Variants in TUSC3 observed in about 807,000 individuals in gnomAD.
TUSC3 encodes tumor suppressor candidate 3, also known as dolichyl-diphosphooligosaccharide--protein glycosyltransferase subunit TUSC3.
TUSC3 carries 45 observed loss-of-function variants against 44.8 expected under a neutral mutation model. The observed-to-expected ratio is 1.00, with a 90% CI of 0.79 to 1.29. The LOEUF is 1.29. TUSC3 is among the 50% of genes most tolerant of loss of function. The pLI is 0.00. For synonymous variants in TUSC3, 212 were observed against 152.9 expected (o/e 1.39, Z -2.85); for missense variants, 519 against 437.9 (o/e 1.19, Z -1.65).
chr8:15,761,077 A>T (rs981303825), intron 10 of TUSC3, among the ~76,000 whole-genome samples: 3 of 152,152 alleles, frequency 2.0e-5, no homozygotes, highest in Non-Finnish European at 4.4e-5. Flanking sequence ...CTAGTACACA[A>T]TGGTTGTTAA....
At chr8:15,563,685 C>CAAAAAAAAAAAAAAAAAAAAAAAAAA (rs150368776) in intron 1 of TUSC3, among the ~76,000 whole-genome samples, 5 of 79,964 alleles carry the variant, frequency 6.3e-5, no homozygotes, top group East Asian at 7.5e-4. Context: ...GCCTCCATCT[C>CAAAAAAAAAAAAAAAAAAAAAAAAAA]AAAAAAAAAA....
chr8:15,574,811 T>C (rs1448880666), intron 1 of TUSC3, among the ~76,000 whole-genome samples: 3 of 152,200 alleles, frequency 2.0e-5, no homozygotes, highest in African/African-American at 7.2e-5. Flanking sequence ...AAATGGGTTT[T>C]TATCCAGGTG....
chr8:15,508,947 A>G (rs142019088), intron 2 of TUSC3, among the ~76,000 whole-genome samples: 337 of 152,328 alleles, frequency 2.2e-3, no homozygotes, highest in African/African-American at 8.0e-3. Flanking sequence ...TTGAAAGTTT[A>G]GAAAGTTATA....
At chr8:15,518,321 C>G (rs905998037) in intron 2 of TUSC3, among the ~76,000 whole-genome samples, 2 of 151,930 alleles carry the variant, frequency 1.3e-5, no homozygotes, top group African/African-American at 4.8e-5. Context: ...GCTATAATCT[C>G]AAATTATACA....
chr8:15,570,156 G>C (rs1419734375), intron 1 of TUSC3, among the ~76,000 whole-genome samples: 1 of 151,810 alleles, frequency 6.6e-6, no homozygotes, highest in Non-Finnish European at 1.5e-5. Flanking sequence ...CTCATTGTAG[G>C]GAAGTTCTGA....
At chr8:15,834,239 A>ACTG in the TUSC3 span, among the ~76,000 whole-genome samples, 87,564 of 151,008 alleles carry the variant, frequency 0.58, 27,212 homozygotes, top group Non-Finnish European at 0.72. Flanking sequence ...TAATAAAATT[A>ACTG]CTTTCTTCAT....
the TUSC3 span, among the ~76,000 whole-genome samples, chr8:15,826,594 G>A: frequency 6.6e-6 from 1 of 152,068 alleles, no homozygotes; most frequent in Non-Finnish European, 1.5e-5. Context: ...CTGCTTTTAA[G>A]GTAAAGTGCT....
chr8:15,485,291 C>A (rs1427820301), intron 2 of TUSC3, among the ~76,000 whole-genome samples: 2 of 152,108 alleles, frequency 1.3e-5, no homozygotes, highest in Non-Finnish European at 2.9e-5. Flanking sequence ...CACCTGTGTT[C>A]TATTAGAATT....
chr8:15,837,179 T>C, the TUSC3 span, among the ~76,000 whole-genome samples: 2 of 151,558 alleles, frequency 1.3e-5, no homozygotes, highest in Admixed American at 6.6e-5. Context: ...AATCAAACGA[T>C]AATTTGATTT....
upstream of TUSC3, among the ~76,000 whole-genome samples, chr8:15,539,054 T>C (rs1417627885): frequency 6.6e-6 from 1 of 151,598 alleles, no homozygotes; most frequent in East Asian, 1.9e-4. Context: ...GGTCTCACTA[T>C]CTTGCCCAGG....
intron 5 of TUSC3, 121 bp from the exon 6 acceptor site, chr8:15,673,626 A>C: frequency 2.4e-6 from 2 of 839,160 alleles, no homozygotes; most frequent in Non-Finnish European, 3.9e-6. Context: ...AAATTTTTTA[A>C]AATGTGTGAG....
At chr8:15,809,342 G>C in the TUSC3 span, among the ~76,000 whole-genome samples, 1 of 152,130 alleles carries the variant, frequency 6.6e-6, no homozygotes, top group African/African-American at 2.4e-5. Context: ...CTACATGATT[G>C]CTGTTTTTGT....
intron 6 of TUSC3, among the ~76,000 whole-genome samples, chr8:15,690,689 A>G (rs898960832): frequency 6.6e-6 from 1 of 152,090 alleles, no homozygotes; most frequent in African/African-American, 2.4e-5. Context: ...TAGTGTAAGG[A>G]AGGGATCCAG....
intron 10 of TUSC3, among the ~76,000 whole-genome samples, chr8:15,763,374 G>A (rs1263485633): frequency 5.3e-5 from 8 of 151,444 alleles, no homozygotes; most frequent in Non-Finnish European, 7.4e-5. Context: ...CATTTTTCCA[G>A]CTACATGTTT....
rs74960230 is a variant in TUSC3 at position 15,658,157 on chromosome 8, A to G, written c.427-1350A>G. The stretch of plus-strand genomic sequence containing the variant: ...CATAGCAAACATGGACCAACTCTTA[A>G]TCTTTAGCAGTAGTGTTTGAAGAGC... On this transcript the variant is annotated intron_variant, in intron 3 of 10. Coordinates refer to ENST00000503731, the MANE Select transcript of TUSC3 (RefSeq NM_006765.4). Among the ~76,000 whole-genome samples the G allele has an allele frequency of 2.4e-3, 359 of 152,286 alleles. 2 individuals carry two copies. The highest frequency in any genetic ancestry group is 4.5e-3 in the Non-Finnish European group (307 of 68,020).
intron 1 of TUSC3, among the ~76,000 whole-genome samples, chr8:15,461,436 G>A (rs971740622): frequency 3.3e-5 from 5 of 152,038 alleles, no homozygotes; most frequent in African/African-American, 4.8e-5. Context: ...GCTTTCTGGT[G>A]GAGTCTTTAG....
At chr8:15,451,650 A>C (rs2129120402) in intron 1 of TUSC3, among the ~76,000 whole-genome samples, 1 of 152,276 alleles carries the variant, frequency 6.6e-6, no homozygotes, top group East Asian at 1.9e-4. Context: ...AGAATAAAAG[A>C]GTAATAGTAA....
At chr8:15,744,746 T>A (rs923195665) in intron 8 of TUSC3, among the ~76,000 whole-genome samples, 4 of 152,168 alleles carry the variant, frequency 2.6e-5, no homozygotes. Flanking sequence ...TATTTATCTT[T>A]TGAATAAACA....
At chr8:15,586,830 T>C (rs1245472709) in intron 1 of TUSC3, among the ~76,000 whole-genome samples, 85 of 152,166 alleles carry the variant, frequency 5.6e-4, no homozygotes, top group Non-Finnish European at 4.4e-5. Context: ...GTAGTTTTCA[T>C]TGTAGTTCTT....
Sources: gnomAD v4.1 joint callset for allele counts (sites outside exome capture counted in the v4.1 genomes callset) on GRCh38, gnomAD v4.1.1 for gene constraint, MANE v1.5 for transcripts, NCBI Gene and HGNC (gene_info 2026-07-23, HGNC 2026-07-21) for gene names.